PLAGL1: variants seen among roughly 807,000 people sequenced by gnomAD.
PLAGL1 encodes the protein zinc finger protein PLAGL1.
PLAGL1 carries 1 observed loss-of-function variant against 4.6 expected under a neutral mutation model. The ratio of observed to expected loss-of-function variants is 0.22; its 90% CI spans 0.08 to 1.03. The LOEUF (loss-of-function observed/expected upper bound fraction) is 1.03, where lower values mean the gene tolerates loss of function less well. Ranked by LOEUF, PLAGL1 falls within the 50% of genes least tolerant of loss-of-function variation. The pLI is 0.58. For missense variants in PLAGL1, 464 were observed against 570.4 expected (o/e 0.81, Z 1.90); for synonymous variants, 240 against 237.8 (o/e 1.01, Z -0.08).
chr6:143,960,163 T>C lies in PLAGL1; in HGVS notation c.-325+306A>G, dbSNP rs978645476. ...TTCTTCTTTTGAACTGACAGGGTTG[T>C]CAGCAGAAAATTCCATAGATCTATG... On this transcript the variant is annotated intron_variant, in intron 6 of 7. Coordinates refer to ENST00000674357, the MANE Select transcript of PLAGL1 (RefSeq NM_001317162.2). The surrounding 1 kb of genome is among the most constrained non-coding windows in gnomAD (Gnocchi z 5.7). Among the ~76,000 whole-genome samples the C allele has an allele frequency of 2.6e-5, 4 of 152,200 alleles. No individual in the cohort carries two copies. The highest frequency in any genetic ancestry group is 1.3e-4 in the Admixed American group (2 of 15,284).
chr6:143,979,791 CCTT>C lies in PLAGL1; in HGVS notation c.-544+5341_-544+5343del, dbSNP rs1341826890. On this transcript the variant is annotated intron_variant, in intron 2 of 7. Coordinates refer to ENST00000674357, the MANE Select transcript of PLAGL1 (RefSeq NM_001317162.2). The surrounding 1 kb of genome is among the most constrained non-coding windows in gnomAD (Gnocchi z 4.6). ...CTTTACTGCTATCTGGCATTATTTT[CCTT>C]CTTTATTAAATCAACTGACAATAAA... Among the ~76,000 whole-genome samples, 9 of 151,790 alleles carry C rather than the reference CCTT, an allele frequency of 5.9e-5. No homozygotes were observed. Among genetic ancestry groups the C allele is most frequent in the Admixed American group, 5.9e-4 (9 of 15,236 alleles).
chr6:144,028,094 A>G (rs1295668638), intron 1 of PLAGL1, among the ~76,000 whole-genome samples: 1 of 152,242 alleles, frequency 6.6e-6, no homozygotes, highest in Non-Finnish European at 1.5e-5. Flanking sequence ...TTTATGCTAT[A>G]ACCAAAGCAG....
In PLAGL1 at chr6:143,964,501, T is replaced by C. The variant is rs1409287071; in HGVS notation, c.-399+286A>G. Among the ~76,000 whole-genome samples, 1 of 152,210 alleles carries C rather than the reference T, an allele frequency of 6.6e-6. No individual in the cohort carries two copies. The highest frequency in any genetic ancestry group is 1.5e-5 in the Non-Finnish European group (1 of 68,034). ...GTAATGCTTCTTGCATAGTTGACAC[T>C]CTGAGGTGAAATGCAGACTTGTGGG... On this transcript the variant is annotated intron_variant, in intron 5 of 7. Transcript: ENST00000674357. This position sits in a 1 kb window ranked among gnomAD's most constrained non-coding sequence, Gnocchi z 4.3.
intron 1 of PLAGL1, among the ~76,000 whole-genome samples, chr6:144,035,316 G>A (rs1797139748): frequency 6.6e-6 from 1 of 152,172 alleles, no homozygotes; most frequent in South Asian, 2.1e-4. Context: ...TTCAGTCTAT[G>A]GCCAAAGGCC....
chr6:144,049,819 T>C (rs1298132458), intron 1 of PLAGL1, among the ~76,000 whole-genome samples: 1 of 152,202 alleles, frequency 6.6e-6, no homozygotes, highest in Non-Finnish European at 1.5e-5. Context: ...ACATGGAGGT[T>C]TGATAACTGT....
chr6:144,016,248 A>G lies in PLAGL1; in HGVS notation c.-150-47270T>C, dbSNP rs1359511391. Reference sequence around the variant, plus strand: ...CGAGTCCCAAAACTGAAGAACTTGGAGTCTGATGTTAGAGGGCAGGAAGCA... The same window carrying G: ...CGAGTCCCAAAACTGAAGAACTTGGGGTCTGATGTTAGAGGGCAGGAAGCA... On this transcript the variant is annotated intron_variant, in intron 1 of 3. Coordinates refer to the PLAGL1 transcript ENST00000437412. This position sits in a 1 kb window ranked among gnomAD's most constrained non-coding sequence, Gnocchi z 4.2. Among the ~76,000 whole-genome samples the G allele has an allele frequency of 6.6e-6, 1 of 152,198 alleles. No homozygotes were observed. The highest frequency in any genetic ancestry group is 2.4e-5 in the African/African-American group (1 of 41,438).
At chr6:144,021,600 T>C (rs1253964935) in intron 1 of PLAGL1, among the ~76,000 whole-genome samples, 1 of 152,232 alleles carries the variant, frequency 6.6e-6, no homozygotes, top group Non-Finnish European at 1.5e-5. Flanking sequence ...TGCAAAAGTT[T>C]GTAACACATG....
chr6:144,064,543 G>A lies in PLAGL1; in HGVS notation c.-226C>T, dbSNP rs1165454651. ...GCCCACTGGGTCAGCTCCGGCCGGC[G>A]GGTCCGGGCGGCCGCTGGGCGTGCG... On this transcript the variant is annotated 5_prime_UTR_variant, in exon 1 of 4. Coordinates refer to the PLAGL1 transcript ENST00000437412. This position sits in a 1 kb window ranked among gnomAD's most constrained non-coding sequence, Gnocchi z 6.8. The A allele has an allele frequency of 9.2e-5, 14 of 152,204 alleles. No homozygotes were observed. Among genetic ancestry groups the A allele is most frequent in the Admixed American group, 7.2e-4 (11 of 15,278 alleles). The allele number at this position is 152,204 out of a possible 1,614,324, so 9.4% of individuals were successfully genotyped here.
Position 143,940,331 on chromosome 6 carries a change from GAT to G in PLAGL1, c.*1091_*1092del, listed in dbSNP as rs1778323138. The G allele has an allele frequency of 6.6e-6, 1 of 152,138 alleles. No homozygotes were observed. The highest frequency in any genetic ancestry group is 6.5e-5 in the Admixed American group (1 of 15,270). The allele number at this position is 152,138 out of a possible 1,614,324, so 9.4% of individuals were successfully genotyped here. A position where few individuals can be genotyped will look rare whatever the true frequency, so the allele number is the denominator to read the frequency against. ...GATTTGAAAAGTTTATTATATGTAA[GAT>G]ATATGTTTACGGAAAAGCCTCTAAA... On this transcript the variant is annotated 3_prime_UTR_variant, in exon 8 of 8. Coordinates refer to ENST00000674357, the MANE Select transcript of PLAGL1 (RefSeq NM_001317162.2).
At position 144,041,397 on chromosome 6, in the gene PLAGL1, T is replaced by G. The variant is rs1395105145; in HGVS notation, c.-151+23071A>C. On this transcript the variant is annotated intron_variant, in intron 1 of 3. Coordinates refer to the PLAGL1 transcript ENST00000437412. ...CCACCCTGTGTCCAAGTGTTCTCATTGTGCAATTCCCACCTATGAGTGAGA... is the reference window on the plus strand; with the variant it reads ...CCACCCTGTGTCCAAGTGTTCTCATGGTGCAATTCCCACCTATGAGTGAGA... 2.0e-5 allele frequency among the ~76,000 whole-genome samples: 3 copies of G among 152,098 alleles called. No homozygotes were observed. In the East Asian group the frequency reaches 5.8e-4, roughly 29 times the overall value.
rs1461998361 is a variant in PLAGL1 at position 143,948,839 on chromosome 6, C to T, written c.-324-379G>A. Among the ~76,000 whole-genome samples the T allele has an allele frequency of 6.6e-6, 1 of 152,142 alleles. No individual in the cohort carries two copies. The highest frequency in any genetic ancestry group is 1.5e-5 in the Non-Finnish European group (1 of 68,030). On this transcript the variant is annotated intron_variant, in intron 6 of 7. Transcript: ENST00000674357. This position sits in a 1 kb window ranked among gnomAD's most constrained non-coding sequence, Gnocchi z 6.0. ...GTGTGTTCAAGTGTTTTTACTGGTC[C>T]ATAAACAAAAATCACCCACACTTAC... is the stretch of plus-strand genomic sequence containing the variant.
In PLAGL1 at chr6:143,955,280, C is replaced by A. The variant is rs984344080; in HGVS notation, c.-325+5189G>T. Among the ~76,000 whole-genome samples the A allele has an allele frequency of 6.6e-6, 1 of 152,140 alleles. No individual in the cohort carries two copies. The highest frequency in any genetic ancestry group is 1.5e-5 in the Non-Finnish European group (1 of 68,030). ...CTATTTCAGGCCAAGGGAATGAATC[C>A]AACCACCTGGAGAATAAGTGGTTCA... On this transcript the variant is annotated intron_variant, in intron 6 of 7. Coordinates refer to ENST00000674357, the MANE Select transcript of PLAGL1 (RefSeq NM_001317162.2). The surrounding 1 kb of genome is among the most constrained non-coding windows in gnomAD (Gnocchi z 4.9).
intron 1 of PLAGL1, among the ~76,000 whole-genome samples, chr6:143,991,924 G>A (rs185015797): frequency 1.3e-5 from 2 of 152,316 alleles, no homozygotes; most frequent in Non-Finnish European, 2.9e-5. Context: ...TAAGAGAAGG[G>A]AAGACAGGCC....
intron 2 of PLAGL1, among the ~76,000 whole-genome samples, chr6:143,977,556 C>T (rs577829491): frequency 1.2e-4 from 18 of 144,606 alleles, no homozygotes; most frequent in Non-Finnish European, 2.2e-4. Context: ...TCACTGTAAC[C>T]TCCACCTCCC....
At chr6:144,008,420 G>A (rs1276810771), upstream of PLAGL1, 4 of 152,022 alleles carry the variant, frequency 2.6e-5, no homozygotes, top group Non-Finnish European at 4.4e-5. The surrounding 1 kb of genome is among the most constrained non-coding windows in gnomAD (Gnocchi z 6.9). Flanking sequence ...CCGGAACGGC[G>A]CGGCCGCGAG....
chr6:143,952,644 G>A lies in PLAGL1; in HGVS notation c.-324-4184C>T, dbSNP rs1239090431. 2.6e-5 allele frequency among the ~76,000 whole-genome samples: 4 copies of A among 152,114 alleles called. No individual in the cohort carries two copies. Among genetic ancestry groups the A allele is most frequent in the Non-Finnish European group, 5.9e-5 (4 of 68,014 alleles). On this transcript the variant is annotated intron_variant, in intron 6 of 7. Coordinates refer to ENST00000674357, the MANE Select transcript of PLAGL1 (RefSeq NM_001317162.2). The surrounding 1 kb of genome is among the most constrained non-coding windows in gnomAD (Gnocchi z 6.1). Reference sequence around the variant, plus strand: ...GGGACAGGGGTATACGAGGGTGGAGGGGGGAGTCAGAACACAACTGTAGTT... The same window carrying A: ...GGGACAGGGGTATACGAGGGTGGAGAGGGGAGTCAGAACACAACTGTAGTT...
Position 143,945,078 on chromosome 6 carries a change from G to C in PLAGL1, c.153-2415C>G, listed in dbSNP as rs1779474590. ...TAGCTCCCACATTTCTGAATTTCTT[G>C]ACTCTTTCCCTTGCCTGGCATCTAC... On this transcript the variant is annotated intron_variant, in intron 7 of 7. Transcript: ENST00000674357. The surrounding 1 kb of genome is among the most constrained non-coding windows in gnomAD (Gnocchi z 4.2). 6.6e-6 allele frequency among the ~76,000 whole-genome samples: 1 copy of C among 151,938 alleles called. No homozygotes were observed. Among genetic ancestry groups the C allele is most frequent in the Non-Finnish European group, 1.5e-5 (1 of 67,986 alleles).
rs139629533 is a variant in PLAGL1 at position 143,953,977 on chromosome 6, G to A, written c.-324-5517C>T. Reference sequence around the variant, plus strand: ...CTTCCTTCCCCTAGCACAAGTGCTCGCTATGGAGACTGTATGAAAGTGGGG... The same window carrying A: ...CTTCCTTCCCCTAGCACAAGTGCTCACTATGGAGACTGTATGAAAGTGGGG... On this transcript the variant is annotated intron_variant, in intron 6 of 7. Transcript: ENST00000674357. The surrounding 1 kb of genome is among the most constrained non-coding windows in gnomAD (Gnocchi z 5.3). Among the ~76,000 whole-genome samples the A allele has an allele frequency of 5.8e-4, 88 of 152,278 alleles. No homozygotes were observed. The highest frequency in any genetic ancestry group is 1.9e-3 in the African/African-American group (79 of 41,566).
rs148061552 is a variant in PLAGL1, at chr6:144,018,091, G to T, written c.-151+46377C>A. 2.0e-3 allele frequency among the ~76,000 whole-genome samples: 300 copies of T among 152,142 alleles called. 4 individuals carry two copies. Among genetic ancestry groups the T allele is most frequent in the East Asian group, 0.015 (78 of 5,190 alleles). ...TAATTTTAAAAAGTTACATTTTGTA[G>T]CCATCAGAGTAATAATGAATACATG... is the stretch of plus-strand genomic sequence containing the variant. On this transcript the variant is annotated intron_variant, in intron 1 of 3. Coordinates refer to the PLAGL1 transcript ENST00000437412.
Sources: allele counts gnomAD v4.1 joint callset (sites outside exome capture counted in the v4.1 genomes callset), GRCh38; gene constraint gnomAD v4.1.1; non-coding constraint Gnocchi (gnomAD v3.1); transcripts MANE v1.5; gene names NCBI Gene and HGNC (gene_info 2026-07-23, HGNC 2026-07-21).